ATG7: variants seen among roughly 807,000 people sequenced by gnomAD.
ATG7 encodes ubiquitin-like modifier-activating enzyme ATG7.
A neutral mutation model predicts 82.4 loss-of-function variants in ATG7; 70 were observed. The observed-to-expected ratio is 0.85, with a 90% CI of 0.70 to 1.04. The LOEUF (loss-of-function observed/expected upper bound fraction) is 1.04. Ranked by LOEUF, ATG7 falls within the 50% of genes least tolerant of loss-of-function variation. The probability of loss-of-function intolerance (pLI) is 0.00; values close to 1 mark genes in which losing one functional copy is unlikely to be tolerated. For missense variants in ATG7, 792 were observed against 864.3 expected (o/e 0.92, Z 1.05); for synonymous variants, 287 against 313.0 (o/e 0.92, Z 0.88).
intron 20 of ATG7, among the ~76,000 whole-genome samples, chr3:11,485,936 T>C (rs2153039258): frequency 1.3e-5 from 2 of 152,284 alleles, no homozygotes; most frequent in African/African-American, 4.8e-5. Flanking sequence ...GCTGTTTTGG[T>C]TACTGTAGCC....
At chr3:11,279,552 C>T (rs866113680) in intron 1 of ATG7, among the ~76,000 whole-genome samples, 2 of 152,004 alleles carry the variant, frequency 1.3e-5, no homozygotes, top group African/African-American at 2.4e-5. Flanking sequence ...GGCATGGTGG[C>T]GGGTGCCTGT....
chr3:11,338,038 G>T (rs141170885), intron 11 of ATG7, among the ~76,000 whole-genome samples: 2 of 152,062 alleles, frequency 1.3e-5, no homozygotes, highest in African/African-American at 4.8e-5. Flanking sequence ...GGGGTTTGTT[G>T]TACAGATTAT....
intron 20 of ATG7, among the ~76,000 whole-genome samples, chr3:11,501,359 T>C (rs1382882617): frequency 1.3e-5 from 2 of 152,224 alleles, no homozygotes; most frequent in African/African-American, 2.4e-5. Context: ...GTGCCTAATA[T>C]ATAGAAAGCA....
chr3:11,447,622 A>G (rs1205550817), intron 20 of ATG7, among the ~76,000 whole-genome samples: 1 of 152,204 alleles, frequency 6.6e-6, no homozygotes, highest in African/African-American at 2.4e-5. Flanking sequence ...ACTACCAACA[A>G]GTTCTTTTCT....
Position 11,503,961 on chromosome 3 carries a change from C to T in ATG7, c.2080-50850C>T, listed in dbSNP as rs961199916. On this transcript the variant is annotated intron_variant, in intron 20 of 20. Transcript: ENST00000693202. ...AGCAATATTCAAATAATAGAGTTTGCGGAAAGGAAAACATAGAAAACAGGC... is the reference window on the plus strand; with the variant it reads ...AGCAATATTCAAATAATAGAGTTTGTGGAAAGGAAAACATAGAAAACAGGC... Among the ~76,000 whole-genome samples the T allele has an allele frequency of 5.3e-5, 8 of 151,588 alleles. No homozygotes were observed. The East Asian group carries it at 9.7e-4, about 18-fold the overall frequency.
At chr3:11,372,839 TGCGTGC>T (rs1451607549) in intron 18 of ATG7, among the ~76,000 whole-genome samples, 6 of 116,894 alleles carry the variant, frequency 5.1e-5, no homozygotes, top group Admixed American at 3.4e-4. Context: ...TGTGTGTGCG[TGCGTGC>T]GTGTGCGTGT....
intron 20 of ATG7, among the ~76,000 whole-genome samples, chr3:11,433,974 A>G (rs1005046522): frequency 6.6e-6 from 1 of 152,256 alleles, no homozygotes; most frequent in Admixed American, 6.5e-5. Flanking sequence ...TTCATTCACT[A>G]TAGAACTCAG....
At chr3:11,500,475 T>C (rs2091241417) in intron 20 of ATG7, among the ~76,000 whole-genome samples, 1 of 151,972 alleles carries the variant, frequency 6.6e-6, no homozygotes. Context: ...ATTAAAAGAC[T>C]AAAAACTAGA....
chr3:11,410,124 G>A (rs1340213012), intron 19 of ATG7, among the ~76,000 whole-genome samples: 1 of 152,122 alleles, frequency 6.6e-6, no homozygotes, highest in Non-Finnish European at 1.5e-5. Flanking sequence ...ATTTTGATGT[G>A]ATTGCATTGA....
Position 11,500,819 on chromosome 3 carries a change from C to T in ATG7, c.2080-53992C>T, listed in dbSNP as rs531590435. 2.6e-5 allele frequency among the ~76,000 whole-genome samples: 4 copies of T among 152,250 alleles called. 1 individual carries two copies. The highest frequency in any genetic ancestry group is 7.2e-5 in the African/African-American group (3 of 41,558). ...CTAATTTTTGTATTTTTACTAGAGA[C>T]GGGGTTTCACCATGTTGGCCAAGAT... is the stretch of plus-strand genomic sequence containing the variant. On this transcript the variant is annotated intron_variant, in intron 20 of 20. Coordinates refer to ENST00000693202, the MANE Select transcript of ATG7 (RefSeq NM_001349232.2).
At chr3:11,403,730 T>C (rs1430845358) in intron 19 of ATG7, among the ~76,000 whole-genome samples, 1 of 152,150 alleles carries the variant, frequency 6.6e-6, no homozygotes, top group Non-Finnish European at 1.5e-5. Context: ...ACCAACAACA[T>C]ATTAATGACC....
chr3:11,357,291 ATAT>A (rs2075995816), intron 14 of ATG7, among the ~76,000 whole-genome samples: 1 of 152,162 alleles, frequency 6.6e-6, no homozygotes, highest in African/African-American at 2.4e-5. Flanking sequence ...ATGTGCCAAA[ATAT>A]TATGTGGTCA....
At chr3:11,388,313 G>C (rs1484821002) in intron 19 of ATG7, among the ~76,000 whole-genome samples, 1 of 152,134 alleles carries the variant, frequency 6.6e-6, no homozygotes, top group Non-Finnish European at 1.5e-5. Context: ...ACTGGGTGAT[G>C]GAGGACGGTA....
chr3:11,302,634 A>AT (rs920551647), intron 5 of ATG7, among the ~76,000 whole-genome samples: 1 of 152,218 alleles, frequency 6.6e-6, no homozygotes, highest in African/African-American at 2.4e-5. Context: ...TGGAGAGGTA[A>AT]TCATTATTTC....
rs1953460023 is a variant in ATG7 at position 11,340,880 on chromosome 3, G to A, written c.980+145G>A. ...TGTGTTACTCTGCTCTTCAATTGAA[G>A]TTTGGTTGTGAGAATTAATATTAAC... On this transcript the variant is annotated intron_variant, in intron 12 of 20. Transcript: ENST00000693202. 7 of 651,684 alleles carry A rather than the reference G, an allele frequency of 1.1e-5. No homozygotes were observed. The South Asian group carries it at 1.2e-4, about 11-fold the overall frequency. The allele number at this position is 651,684 out of a possible 1,614,324, so 40.4% of individuals were successfully genotyped here.
chr3:11,507,059 T>A (rs2091771978), intron 20 of ATG7, among the ~76,000 whole-genome samples: 1 of 152,162 alleles, frequency 6.6e-6, no homozygotes, highest in East Asian at 1.9e-4. Flanking sequence ...GGCAGGCAGA[T>A]CACTTGAGAT....
chr3:11,393,433 T>C (rs1019913462), intron 19 of ATG7, among the ~76,000 whole-genome samples: 1 of 152,186 alleles, frequency 6.6e-6, no homozygotes, highest in Non-Finnish European at 1.5e-5. Context: ...GGTTTGTGTG[T>C]CTTCCCACAT....
At chr3:11,503,847 T>TA (rs1361195564) in intron 20 of ATG7, among the ~76,000 whole-genome samples, 5 of 150,162 alleles carry the variant, frequency 3.3e-5, no homozygotes, top group Admixed American at 6.6e-5. Flanking sequence ...GATTAGACAG[T>TA]GAAATTTAGA....
At chr3:11,452,918 A>G (rs560533621) in intron 20 of ATG7, among the ~76,000 whole-genome samples, 322 of 152,354 alleles carry the variant, frequency 2.1e-3, no homozygotes, top group Non-Finnish European at 3.9e-3. Context: ...ATTGTGTGCC[A>G]GTTCCTATCT....
Sources: allele counts gnomAD v4.1 joint callset (sites outside exome capture counted in the v4.1 genomes callset), GRCh38; gene constraint gnomAD v4.1.1; transcripts MANE v1.5; gene names NCBI Gene and HGNC (gene_info 2026-07-23, HGNC 2026-07-21).